SNRNP48: variants seen among roughly 807,000 people sequenced by gnomAD.
SNRNP48 encodes U11/U12 small nuclear ribonucleoprotein 48 kDa protein.
Under a neutral mutation model 47.0 loss-of-function variants are expected in SNRNP48, and 43 were observed. The observed-to-expected ratio is 0.92, with a 90% CI of 0.72 to 1.18. The LOEUF is 1.18. SNRNP48 is among the 50% of genes most tolerant of loss of function. The probability of loss-of-function intolerance (pLI) is 0.00; values close to 1 mark genes in which losing one functional copy is unlikely to be tolerated. For synonymous variants in SNRNP48, 138 were observed against 144.0 expected, an observed-to-expected ratio of 0.96 and a Z score of 0.30; for missense variants, 396 against 422.2, an observed-to-expected ratio of 0.94 and a Z score of 0.54.
In SNRNP48 at chr6:7,609,277, C is replaced by T. The variant is rs931162100; in HGVS notation, c.*404C>T. ...ACCACCTGCGGTTCTGTCCTCACCC[C>T]AGTGGTGACTACTGTTTACCACTAC... On this transcript the variant is annotated 3_prime_UTR_variant, in exon 9 of 9. Coordinates refer to ENST00000342415, the MANE Select transcript of SNRNP48 (RefSeq NM_152551.4). 6.5e-6 allele frequency: 1 copy of T among 152,944 alleles called. No individual in the cohort carries two copies. The highest frequency in any genetic ancestry group is 1.5e-5 in the Non-Finnish European group (1 of 68,540). 9.5% of individuals were successfully genotyped at this position (152,944 alleles called of 1,614,324 possible). A position where few individuals can be genotyped will look rare whatever the true frequency, so the allele number is the denominator to read the frequency against.
At chr6:7,598,302 C>G (rs1416940541) in intron 4 of SNRNP48, among the ~76,000 whole-genome samples, 1 of 151,786 alleles carries the variant, frequency 6.6e-6, no homozygotes, top group Non-Finnish European at 1.5e-5. Context: ...CAAGACCAGC[C>G]TGGCCAACAT....
chr6:7,603,971 G>A (rs935495562), intron 6 of SNRNP48, among the ~76,000 whole-genome samples: 5 of 152,108 alleles, frequency 3.3e-5, no homozygotes, highest in Non-Finnish European at 5.9e-5. Context: ...GGATAGCATC[G>A]TCTAAGGAAT....
intron 4 of SNRNP48, among the ~76,000 whole-genome samples, chr6:7,595,991 C>T (rs1211748823): frequency 3.3e-5 from 5 of 152,164 alleles, no homozygotes; most frequent in South Asian, 2.1e-4. Flanking sequence ...AGGCCAGACA[C>T]GGTGGCTCAT....
At position 7,590,326 on chromosome 6, in the gene SNRNP48, G is replaced by A; in HGVS notation, c.69G>A (p.Glu23=). The part of the protein sequence containing the change: ...RLQEELNEFV[E]SGCRTLEEVT... ...AGGAGGAGCTGAACGAGTTCGTGGA[G>A]AGCGGCTGCCGGACGTTGGAGGAGG... Residue 23 remains glutamate (E), a synonymous_variant, in exon 1 of 9, where the codon GAG becomes GAA. Coordinates refer to ENST00000342415, the MANE Select transcript of SNRNP48 (RefSeq NM_152551.4). The A allele has an allele frequency of 1.4e-6, 2 of 1,409,790 alleles. No individual in the cohort carries two copies. Among genetic ancestry groups the A allele is most frequent in the Non-Finnish European group, 1.9e-6 (2 of 1,067,772 alleles). The allele number at this position is 1,409,790 out of a possible 1,614,324, so 87.3% of individuals were successfully genotyped here.
At position 7,606,186 on chromosome 6, in the gene SNRNP48, G is replaced by A; in HGVS notation, c.962G>A (p.Arg321Lys). 6.2e-7 allele frequency: 1 copy of A among 1,608,916 alleles called. No homozygotes were observed. The highest frequency in any genetic ancestry group is 8.5e-7 in the Non-Finnish European group (1 of 1,178,290). ...DKDKNCESRR[R>K]KERDGERHHS... is the part of the protein sequence containing the mutation. ...GATAAAAACTGTGAGTCGAGAAGAA[G>A]GAAAGAGAGGTGGGTCTAACCCTGC... Residue 321 changes from arginine (R) to lysine (K), a missense_variant, in exon 8 of 9, where the codon AGG (arginine) becomes AAG (lysine). Physicochemically the swap from Arg to Lys is conservative, Grantham distance 26. Transcript: ENST00000342415.
chr6:7,593,202 C>T (rs962997392), intron 1 of SNRNP48, among the ~76,000 whole-genome samples: 3 of 151,570 alleles, frequency 2.0e-5, no homozygotes, highest in Admixed American at 1.3e-4. Context: ...ACATGAAAAC[C>T]AACATCTAAA....
In SNRNP48 at chr6:7,610,769, C is replaced by T. The variant is rs190039964; in HGVS notation, c.*1896C>T. 1 of 152,228 alleles carries T rather than the reference C, an allele frequency of 6.6e-6. No homozygotes were observed. Among genetic ancestry groups the T allele is most frequent in the East Asian group, 1.9e-4 (1 of 5,184 alleles). The allele number at this position is 152,228 out of a possible 1,614,324, so 9.4% of individuals were successfully genotyped here. On this transcript the variant is annotated 3_prime_UTR_variant, in exon 9 of 9. Coordinates refer to ENST00000342415, the MANE Select transcript of SNRNP48 (RefSeq NM_152551.4). The stretch of plus-strand genomic sequence containing the variant: ...CAAACTATTTAATGAAATGTGGCAT[C>T]GGGTGAAAAGAGGCATTTGTTTGAT...
rs145456775 is a variant in SNRNP48 at position 7,593,827 on chromosome 6, G to T, written c.250G>T (p.Gly84Cys). The change falls in exon 2 of 9, where the codon GGC becomes TGC. Residue 84 changes from glycine to cysteine, a missense_variant. Coordinates refer to ENST00000342415, the MANE Select transcript of SNRNP48 (RefSeq NM_152551.4). ...HMASCRLRKM[G>C]YTKEEEDEMY... Reference sequence around the variant, plus strand: ...GGCATCTTGTAGATTGAGGAAAATGGGCTATACCAAAGAAGAAGAGGTACC... The same window carrying T: ...GGCATCTTGTAGATTGAGGAAAATGTGCTATACCAAAGAAGAAGAGGTACC... 1.5e-4 allele frequency: 240 copies of T among 1,588,514 alleles called. 1 individual carries two copies. Among genetic ancestry groups the T allele is most frequent in the Middle Eastern group, 6.7e-4 (4 of 5,946 alleles).
rs763246882 is a variant in SNRNP48 at position 7,608,925 on chromosome 6, A to T, written c.*52A>T. ...ATGCTTACGCCATGATAACCAATAT[A>T]CAGATATATTAATTGGAATTCCTTT... is the stretch of plus-strand genomic sequence containing the variant. On this transcript the variant is annotated 3_prime_UTR_variant, in exon 9 of 9. Transcript: ENST00000342415. The T allele has an allele frequency of 2.1e-5, 22 of 1,030,190 alleles. No individual in the cohort carries two copies. In the African/African-American group the frequency reaches 2.5e-4, roughly 12 times the overall value. The allele number at this position is 1,030,190 out of a possible 1,614,324, so 63.8% of individuals were successfully genotyped here. A position where few individuals can be genotyped will look rare whatever the true frequency, so the allele number is the denominator to read the frequency against.
At chr6:7,601,598 A>G (rs1258533012) in intron 5 of SNRNP48, 74 bp downstream of exon 5, 2 of 1,353,508 alleles carry the variant, frequency 1.5e-6, no homozygotes, top group Admixed American at 2.9e-5. Context: ...AGATGATTTA[A>G]TTCTTGGGCC....
chr6:7,598,945 C>G (rs999637033), intron 4 of SNRNP48, among the ~76,000 whole-genome samples: 1 of 152,068 alleles, frequency 6.6e-6, no homozygotes, highest in Non-Finnish European at 1.5e-5. Context: ...CTTTTTCTTT[C>G]AATATTAAAT....
At position 7,608,951 on chromosome 6, in the gene SNRNP48, G is replaced by T; in HGVS notation, c.*78G>T. The T allele has an allele frequency of 1.3e-6, 1 of 757,586 alleles. No individual in the cohort carries two copies. Among genetic ancestry groups the T allele is most frequent in the Non-Finnish European group, 2.0e-6 (1 of 502,980 alleles). The allele number at this position is 757,586 out of a possible 1,614,324, so 46.9% of individuals were successfully genotyped here. A position where few individuals can be genotyped will look rare whatever the true frequency, so the allele number is the denominator to read the frequency against. On this transcript the variant is annotated 3_prime_UTR_variant, in exon 9 of 9. Coordinates refer to ENST00000342415, the MANE Select transcript of SNRNP48 (RefSeq NM_152551.4). ...CAGATATATTAATTGGAATTCCTTT[G>T]CATAGGAGAATGTTTTTATGATCTG... is the stretch of plus-strand genomic sequence containing the variant.
At chr6:7,595,168 T>A in intron 4 of SNRNP48, 67 bp downstream of exon 4, 18 of 1,369,472 alleles carry the variant, frequency 1.3e-5, no homozygotes, top group Non-Finnish European at 1.7e-5. Flanking sequence ...AGCATGTTAC[T>A]AATTTTCTTC....
In SNRNP48 at chr6:7,606,711, A is replaced by G. The variant is rs969306286; in HGVS notation, c.971+516A>G. On this transcript the variant is annotated intron_variant, in intron 8 of 8. Coordinates refer to ENST00000342415, the MANE Select transcript of SNRNP48 (RefSeq NM_152551.4). ...AGTAAATGTAAATCATTTGAGGTCT[A>G]TTTCTGTAGTCCAGCTGCTTACAAG... is the stretch of plus-strand genomic sequence containing the variant. Among the ~76,000 whole-genome samples the G allele has an allele frequency of 3.9e-5, 6 of 152,302 alleles. No individual in the cohort carries two copies. In the East Asian group the frequency reaches 5.8e-4, roughly 15 times the overall value.
At chr6:7,599,867 TA>T in intron 4 of SNRNP48, 1 of 1,042,998 alleles carries the variant, frequency 9.6e-7, no homozygotes, top group East Asian at 7.0e-5. Flanking sequence ...GTCTTCATCA[TA>T]AAGAAATTTA....
rs992336797 is a variant in SNRNP48, at chr6:7,602,691, C to T, written c.664C>T (p.Arg222Cys). The T allele has an allele frequency of 5.6e-6, 9 of 1,604,498 alleles. No homozygotes were observed. Among genetic ancestry groups the T allele is most frequent in the African/African-American group, 1.3e-5 (1 of 74,372 alleles). Residue 222 changes from arginine (R) to cysteine (C), a missense_variant, in exon 6 of 9, where the codon CGC becomes TGC. By Grantham distance (180) the Arg-to-Cys change is radical. Transcript: ENST00000342415. The stretch of plus-strand genomic sequence containing the variant: ...AGAAGTACGAGATTATAAAAGAAGA[C>T]GCCAGTCCTATAGAGCCAAGAATGT... Reference protein sequence around the residue: ...LAEVRDYKRRRQSYRAKNVHI... With the variant: ...LAEVRDYKRRCQSYRAKNVHI...
chr6:7,594,938 C>T, intron 3 of SNRNP48, 89 bp from the exon 4 acceptor site: 4 of 1,137,490 alleles, frequency 3.5e-6, no homozygotes, highest in Non-Finnish European at 5.0e-6. Context: ...TCCACGTGCC[C>T]AAAGGGCTTG....
chr6:7,599,059 G>A (rs1198184569), intron 4 of SNRNP48, among the ~76,000 whole-genome samples: 1 of 152,120 alleles, frequency 6.6e-6, no homozygotes, highest in Non-Finnish European at 1.5e-5. Context: ...CATAGGATGG[G>A]CTTTAGATCC....
At chr6:7,607,664 A>G (rs1347527968) in intron 8 of SNRNP48, among the ~76,000 whole-genome samples, 4 of 152,156 alleles carry the variant, frequency 2.6e-5, no homozygotes, top group African/African-American at 9.7e-5. Context: ...CCTAGCTTAT[A>G]GTTGTTCTTG....
Sources: allele counts gnomAD v4.1 joint callset (sites outside exome capture counted in the v4.1 genomes callset), GRCh38; gene constraint gnomAD v4.1.1; transcripts MANE v1.5; gene names NCBI Gene and HGNC (gene_info 2026-07-23, HGNC 2026-07-21).